Variants in RMC1 observed in about 807,000 individuals in gnomAD.
RMC1 encodes the protein regulator of MON1-CCZ1 complex.
A neutral mutation model predicts 95.5 loss-of-function variants in RMC1; 44 were observed. The observed-to-expected ratio is 0.46, with a 90% confidence interval of 0.36 to 0.59. RMC1 has a LOEUF of 0.59. Ranked by LOEUF, RMC1 falls within the 20% of genes least tolerant of loss-of-function variation. RMC1 has a pLI of 0.00. For synonymous variants in RMC1, 320 were observed against 303.6 expected, an observed-to-expected ratio of 1.05 and a Z score of -0.56; for missense variants, 705 against 819.6, an observed-to-expected ratio of 0.86 and a Z score of 1.71.
chr18:23,513,083 A>G (rs2057906441), intron 5 of RMC1, among the ~76,000 whole-genome samples: 1 of 151,966 alleles, frequency 6.6e-6, no homozygotes, highest in Non-Finnish European at 1.5e-5. Context: ...CTTCCTGAAT[A>G]GCTGGGATTA....
intron 5 of RMC1, among the ~76,000 whole-genome samples, chr18:23,511,498 A>G (rs2145158116): frequency 6.6e-6 from 1 of 152,348 alleles, no homozygotes; most frequent in Admixed American, 6.5e-5. Context: ...ACATTCAAAC[A>G]TTGCAAGATA....
At chr18:23,528,453 G>T in intron 14 of RMC1, 1 of 153,720 alleles carries the variant, frequency 6.5e-6, no homozygotes, top group East Asian at 1.9e-4. Context: ...GAAAAGTTTA[G>T]GACAAGGAGA....
intron 1 of RMC1, 77 bp downstream of exon 1, chr18:23,503,797 C>A: frequency 2.4e-6 from 3 of 1,251,418 alleles, no homozygotes; most frequent in Non-Finnish European, 3.2e-6. Flanking sequence ...CCCGCGCGAC[C>A]AGGCCCGAGC....
Position 23,504,246 on chromosome 18 carries a change from A to T in RMC1, c.103-125A>T, listed in dbSNP as rs2057660109. 3 of 758,484 alleles carry T rather than the reference A, an allele frequency of 4.0e-6. No homozygotes were observed. The South Asian group carries it at 4.6e-5, about 12-fold the overall frequency. 47.0% of individuals were successfully genotyped at this position (758,484 alleles called of 1,614,324 possible). A position where few individuals can be genotyped will look rare whatever the true frequency, so the allele number is the denominator to read the frequency against. ...AGCAGCCAAACATCTGTACCTTGAT[A>T]TGTGCCGTGTTACTTTAGTTGAACC... is the stretch of plus-strand genomic sequence containing the variant. On this transcript the variant is annotated intron_variant, in intron 1 of 19. Coordinates refer to ENST00000269221, the MANE Select transcript of RMC1 (RefSeq NM_013326.5).
intron 1 of RMC1, among the ~76,000 whole-genome samples, chr18:23,504,152 C>G (rs527523157): frequency 4.8e-4 from 73 of 152,354 alleles, no homozygotes; most frequent in African/African-American, 1.5e-3. Flanking sequence ...CTTGGAGCCT[C>G]GGGAACCCGA....
At position 23,508,056 on chromosome 18, in the gene RMC1, C is replaced by G. The variant is rs1453399021; in HGVS notation, c.321+15C>G. ...AGGAGTGCAAGGTATGACCCCAGGC[C>G]CTTTCTCAGCTGCTGGTGTCAGTGG... On this transcript the variant is annotated intron_variant, in intron 4 of 19. Transcript: ENST00000269221. 6.3e-7 allele frequency: 1 copy of G among 1,597,528 alleles called. No individual in the cohort carries two copies.
At chr18:23,518,704 G>A (rs1312027484) in intron 7 of RMC1, among the ~76,000 whole-genome samples, 186 bp from the exon 8 acceptor site, 5 of 152,184 alleles carry the variant, frequency 3.3e-5, no homozygotes, top group South Asian at 4.1e-4. Context: ...TGTTTAGTGT[G>A]TGTTCTCTTT....
intron 1 of RMC1, 96 bp downstream of exon 1, chr18:23,503,816 C>G: frequency 9.5e-7 from 1 of 1,048,756 alleles, no homozygotes; most frequent in Non-Finnish European, 1.3e-6. Context: ...GCGTCCCCTC[C>G]TGTCCTGTCC....
At chr18:23,526,023 C>T (rs989264684) in intron 12 of RMC1, among the ~76,000 whole-genome samples, 5 of 152,156 alleles carry the variant, frequency 3.3e-5, no homozygotes, top group African/African-American at 1.2e-4. Flanking sequence ...TTTTCCTGTA[C>T]AGCTGCTCTG....
intron 19 of RMC1, 181 bp from the exon 20 acceptor site, chr18:23,531,444 T>C (rs2058502095): frequency 4.7e-6 from 6 of 1,277,628 alleles, no homozygotes; most frequent in Admixed American, 3.1e-5. Flanking sequence ...AGATAGAATC[T>C]CTTCCATTTA....
chr18:23,530,050 T>C lies in RMC1; in HGVS notation c.1517T>C (p.Ile506Thr), dbSNP rs1443736375. The C allele has an allele frequency of 1.9e-6, 3 of 1,614,186 alleles. No homozygotes were observed. The highest frequency in any genetic ancestry group is 1.6e-4 in the Middle Eastern group (1 of 6,062). Residue 506 changes from isoleucine (I) to threonine (T), a missense_variant, in exon 17 of 20, where the codon ATC (isoleucine) becomes ACC (threonine). Coordinates refer to ENST00000269221, the MANE Select transcript of RMC1 (RefSeq NM_013326.5). ...AVQHYLHELVIKTLVQHNLFY... is the reference protein window; with the variant it reads ...AVQHYLHELVTKTLVQHNLFY... ...CAGCATTACCTACATGAACTTGTTA[T>C]CAAAACCCTTGTCCAGCACAACCTC...
chr18:23,518,163 G>C (rs1256384461), intron 7 of RMC1, among the ~76,000 whole-genome samples: 2 of 152,308 alleles, frequency 1.3e-5, no homozygotes, highest in Middle Eastern at 3.4e-3. Context: ...ATGCATTCAG[G>C]AACTGTTCAC....
chr18:23,513,940 AATTTGCAAGT>A (rs1470217491), intron 5 of RMC1, among the ~76,000 whole-genome samples: 3 of 152,206 alleles, frequency 2.0e-5, no homozygotes, highest in Non-Finnish European at 4.4e-5. Flanking sequence ...TTAGAGATAC[AATTTGCAAGT>A]ATTTTCTCCG....
intron 5 of RMC1, among the ~76,000 whole-genome samples, chr18:23,512,056 C>T (rs1598854955): frequency 6.7e-6 from 1 of 148,534 alleles, no homozygotes; most frequent in South Asian, 2.2e-4. Context: ...AGTCTCACTC[C>T]GTCGCCCAGG....
intron 16 of RMC1, 61 bp downstream of exon 16, chr18:23,529,773 C>A: frequency 6.7e-7 from 1 of 1,491,628 alleles, no homozygotes; most frequent in South Asian, 1.1e-5. Flanking sequence ...AAAACACAGT[C>A]ACTGTCTTAG....
intron 12 of RMC1, 112 bp from the exon 13 acceptor site, chr18:23,526,525 C>T (rs1299703452): frequency 1.8e-5 from 23 of 1,307,952 alleles, no homozygotes; most frequent in African/African-American, 4.4e-5. Flanking sequence ...CTGTACTTTG[C>T]GGCTTTTTAT....
intron 10 of RMC1, among the ~76,000 whole-genome samples, chr18:23,521,734 A>G (rs1352507094): frequency 6.7e-6 from 1 of 149,972 alleles, no homozygotes; most frequent in African/African-American, 2.5e-5. Flanking sequence ...ATTTTCTCAC[A>G]GTTCTGGAGG....
At chr18:23,526,397 GAA>G (rs1213339382) in intron 12 of RMC1, among the ~76,000 whole-genome samples, 1 of 152,194 alleles carries the variant, frequency 6.6e-6, no homozygotes, top group African/African-American at 2.4e-5. Flanking sequence ...AGGTTACTTG[GAA>G]AAGAGTCAGC....
chr18:23,523,543 CAAAAAAAAAAAA>C (rs374224848), intron 10 of RMC1, among the ~76,000 whole-genome samples: 15 of 76,406 alleles, frequency 2.0e-4, no homozygotes, highest in Non-Finnish European at 2.8e-4. Context: ...CTTGTCTTCA[CAAAAAAAAAAAA>C]AAAAAAAAAA....
Sources: allele counts gnomAD v4.1 joint callset (sites outside exome capture counted in the v4.1 genomes callset), GRCh38; gene constraint gnomAD v4.1.1; transcripts MANE v1.5; gene names NCBI Gene and HGNC (gene_info 2026-07-23, HGNC 2026-07-21).